The following SATL1 variants were observed in gnomAD, a reference collection of about 807,000 sequenced individuals.
SATL1 encodes the protein spermidine/spermine N1-acetyl transferase like 1.
Under a neutral mutation model 51.8 loss-of-function variants are expected in SATL1, and 47 were observed. The observed-to-expected ratio is 0.91, with a 90% CI of 0.72 to 1.16. SATL1 has a LOEUF of 1.16. Ranked by LOEUF, SATL1 falls within the 50% of genes most tolerant of loss-of-function variation. The probability of loss-of-function intolerance (pLI) is 0.00; values close to 1 mark genes in which losing one functional copy is unlikely to be tolerated. For missense variants in SATL1, 520 were observed against 526.4 expected (o/e 0.99, Z 0.12); for synonymous variants, 176 against 182.4 (o/e 0.97, Z 0.28).
intron 4 of SATL1, 106 bp from the exon 5 acceptor site, chrX:85,095,102 G>C: frequency 2.0e-6 from 1 of 491,306 alleles, no homozygotes; most frequent in Middle Eastern, 3.5e-4. Flanking sequence ...GATAGCAATT[G>C]TATTGGCGGA....
At chrX:85,185,512 C>T (rs1049395271) in intron 2 of SATL1, among the ~76,000 whole-genome samples, 3 of 111,291 alleles carry the variant, frequency 2.7e-5, no homozygotes, top group African/African-American at 9.8e-5. Flanking sequence ...ATCTATTCTA[C>T]TGTAGCTGAT....
rs762213469 is a variant in SATL1 at position 85,108,063 on chromosome X, C to T, written c.906G>A (p.Arg302=). The change falls in exon 3 of 8, where the codon AGG becomes AGA. Residue 302 remains arginine (R), a synonymous_variant. Coordinates refer to ENST00000644105, the MANE Select transcript of SATL1 (RefSeq NM_001367857.2). ...KQPSMSQAGM[R]QSGTNLPDIN... Reference sequence around the variant, plus strand: ...TGTCTGGTAGGTTTGTACCTGATTGCCTCATGCCAGCTTGGCTCATGCTTG... The same window carrying T: ...TGTCTGGTAGGTTTGTACCTGATTGTCTCATGCCAGCTTGGCTCATGCTTG... 9.5e-5 allele frequency: 115 copies of T among 1,209,033 alleles called. No homozygotes were observed. The Middle Eastern group carries it at 7.6e-3, about 80-fold the overall frequency.
At chrX:85,156,391 C>CAA (rs1926587545) in intron 2 of SATL1, 2 of 111,291 alleles carry the variant, frequency 1.8e-5, no homozygotes, top group Non-Finnish European at 3.8e-5. Flanking sequence ...TGATATGAGG[C>CAA]CTCCTCAACC....
At chrX:85,159,647 T>G (rs932518014) in intron 2 of SATL1, among the ~76,000 whole-genome samples, 1 of 111,785 alleles carries the variant, frequency 8.9e-6, no homozygotes, top group Non-Finnish European at 1.9e-5. Flanking sequence ...ATGTTTTTTT[T>G]CAAAATAAAT....
intron 5 of SATL1, among the ~76,000 whole-genome samples, chrX:85,094,658 G>T (rs752814814): frequency 9.0e-6 from 1 of 111,403 alleles, no homozygotes; most frequent in South Asian, 3.8e-4. Context: ...AGACACTTGA[G>T]CACAGGAGTT....
At chrX:85,152,518 G>A (rs144944759) in intron 2 of SATL1, among the ~76,000 whole-genome samples, 1,422 of 111,335 alleles carry the variant, frequency 0.013, 22 homozygotes, top group African/African-American at 0.044. Context: ...ACATGCACAC[G>A]TATGTTTATT....
chrX:85,103,655 C>G (rs758651453), intron 4 of SATL1, among the ~76,000 whole-genome samples: 1 of 111,601 alleles, frequency 9.0e-6, no homozygotes, highest in Admixed American at 9.6e-5. Flanking sequence ...TCTATTGGAG[C>G]TGTAAAGGTG....
At chrX:85,156,756 G>A (rs957870602) in intron 2 of SATL1, among the ~76,000 whole-genome samples, 1 of 97,192 alleles carries the variant, frequency 1.0e-5, no homozygotes, top group African/African-American at 4.0e-5. Flanking sequence ...AAAGAGGTCC[G>A]CAAAAGAGGG....
chrX:85,226,813 C>A (rs56395463), intron 1 of SATL1, among the ~76,000 whole-genome samples: 14,232 of 110,329 alleles, frequency 0.13, 712 homozygotes, highest in South Asian at 0.18. Flanking sequence ...CTAATCAGCA[C>A]CTTTCATCTC....
chrX:85,191,315 C>T (rs1049800971), intron 2 of SATL1, among the ~76,000 whole-genome samples: 6 of 111,425 alleles, frequency 5.4e-5, no homozygotes, highest in Non-Finnish European at 9.4e-5. Context: ...TACATGTATA[C>T]ACTGTATATG....
At chrX:85,134,925 ATT>A (rs1469922475) in intron 2 of SATL1, among the ~76,000 whole-genome samples, 1 of 111,911 alleles carries the variant, frequency 8.9e-6, no homozygotes, top group Admixed American at 9.5e-5. Flanking sequence ...CATCAAAATA[ATT>A]TAAAAGTAAC....
chrX:85,163,154 G>A (rs1033399428), intron 2 of SATL1, among the ~76,000 whole-genome samples: 1 of 107,464 alleles, frequency 9.3e-6, no homozygotes, highest in African/African-American at 3.5e-5. Flanking sequence ...GAATTCAGCT[G>A]TGAATCCATC....
At chrX:85,095,825 CAAAAAAAAAAAAA>C (rs144271899) in intron 4 of SATL1, among the ~76,000 whole-genome samples, 4 of 32,731 alleles carry the variant, frequency 1.2e-4, no homozygotes, top group Admixed American at 5.7e-4. Flanking sequence ...GACTCCGTCT[CAAAAAAAAAAAAA>C]AAAAAAAAAA....
At chrX:85,120,666 C>A (rs956567640) in intron 2 of SATL1, among the ~76,000 whole-genome samples, 5 of 111,755 alleles carry the variant, frequency 4.5e-5, no homozygotes, top group Non-Finnish European at 9.4e-5. Context: ...GAAACATTAT[C>A]AAAAAGGTTT....
chrX:85,191,235 A>G (rs745342511), intron 2 of SATL1, among the ~76,000 whole-genome samples: 2 of 111,586 alleles, frequency 1.8e-5, no homozygotes, highest in African/African-American at 6.5e-5. Context: ...TATTTTCTCA[A>G]AGTTTTATTT....
intron 1 of SATL1, among the ~76,000 whole-genome samples, 152 bp downstream of exon 1, chrX:85,243,436 A>G: frequency 8.9e-6 from 1 of 111,881 alleles, no homozygotes; most frequent in Non-Finnish European, 1.9e-5. Context: ...CACTTCATTG[A>G]GGTCCCTTGT....
intron 2 of SATL1, among the ~76,000 whole-genome samples, chrX:85,132,087 TC>T (rs1215398825): frequency 9.0e-6 from 1 of 111,350 alleles, no homozygotes; most frequent in Admixed American, 9.6e-5. Flanking sequence ...TGACATTTTT[TC>T]CTTCATTTCA....
chrX:85,097,419 C>T (rs1476046709), intron 4 of SATL1, among the ~76,000 whole-genome samples: 2 of 112,532 alleles, frequency 1.8e-5, no homozygotes, highest in African/African-American at 6.5e-5. Flanking sequence ...CTCACTGCAA[C>T]CTCTGCCTCC....
intron 2 of SATL1, among the ~76,000 whole-genome samples, chrX:85,191,114 A>C (rs1301321065): frequency 7.8e-5 from 7 of 89,667 alleles, no homozygotes; most frequent in African/African-American, 2.6e-4. Context: ...AACTTAAAGT[A>C]TAATAATAAT....
Sources: allele counts gnomAD v4.1 joint callset (sites outside exome capture counted in the v4.1 genomes callset), GRCh38; gene constraint gnomAD v4.1.1; transcripts MANE v1.5; gene names NCBI Gene and HGNC (gene_info 2026-07-23, HGNC 2026-07-21).